The following ZNF592 variants were observed in gnomAD, a reference collection of about 807,000 sequenced individuals.
The protein encoded by ZNF592 is zinc finger protein 592, also known as spinocerebellar ataxia, autosomal recessive 5.
A neutral mutation model predicts 80.3 loss-of-function variants in ZNF592; 11 were observed. The observed-to-expected ratio is 0.14, with a 90% CI of 0.09 to 0.23. The LOEUF is 0.23. ZNF592 is among the 10% of genes least tolerant of loss of function. The probability of loss-of-function intolerance (pLI) is 1.00; values close to 1 mark genes in which losing one functional copy is unlikely to be tolerated. For synonymous variants in ZNF592, 646 were observed against 640.3 expected (o/e 1.01, Z -0.13); for missense variants, 1,420 against 1,633.9 (o/e 0.87, Z 2.26).
At chr15:84,768,950 T>C (rs949423209) in intron 2 of ZNF592, among the ~76,000 whole-genome samples, 2 of 150,090 alleles carry the variant, frequency 1.3e-5, no homozygotes, top group Non-Finnish European at 3.0e-5. Flanking sequence ...CTTTCTTTTA[T>C]TTTTTTTTGA....
intron 5 of ZNF592, among the ~76,000 whole-genome samples, chr15:84,793,479 A>G (rs1962807997): frequency 6.6e-6 from 1 of 152,232 alleles, no homozygotes. Context: ...AGTTCAGTTT[A>G]TCAAACCTTT....
At chr15:84,781,120 C>G (rs1466655529) in intron 3 of ZNF592, among the ~76,000 whole-genome samples, 1 of 152,110 alleles carries the variant, frequency 6.6e-6, no homozygotes, top group African/African-American at 2.4e-5. Context: ...GCGATCTCTA[C>G]TCATGGCAAC....
At chr15:84,759,486 C>G (rs1336285996) in intron 1 of ZNF592, among the ~76,000 whole-genome samples, 3 of 152,172 alleles carry the variant, frequency 2.0e-5, no homozygotes, top group Non-Finnish European at 4.4e-5. Context: ...AGCTGGCCTC[C>G]TATCCACAAA....
intron 2 of ZNF592, among the ~76,000 whole-genome samples, chr15:84,765,704 A>G (rs1268358711): frequency 6.6e-6 from 1 of 151,506 alleles, no homozygotes; most frequent in African/African-American, 2.4e-5. Context: ...ATGCCCAGCT[A>G]AATTTTATAT....
rs1389360521 is a variant in ZNF592, at chr15:84,784,118, G to A, written c.1443G>A (p.Lys481=). Reference sequence around the variant, plus strand: ...CTGCCCCAGGCTCACAGACAGGCAAGAAGCAACAGAGCACAGCACTGCAGG... The same window carrying A: ...CTGCCCCAGGCTCACAGACAGGCAAAAAGCAACAGAGCACAGCACTGCAGG... ...KGAAPGSQTG[K]KQQSTALQAS... Residue 481 remains lysine, a synonymous_variant, in exon 4 of 11, where the codon AAG becomes AAA. Transcript: ENST00000560079. The surrounding 1 kb of genome is among the most constrained non-coding windows in gnomAD (Gnocchi z 5.8). 9 of 1,614,046 alleles carry A rather than the reference G, an allele frequency of 5.6e-6. No individual in the cohort carries two copies. Among genetic ancestry groups the A allele is most frequent in the Middle Eastern group, 1.6e-4 (1 of 6,084 alleles).
intron 3 of ZNF592, among the ~76,000 whole-genome samples, chr15:84,781,919 A>G (rs999165762): frequency 1.3e-5 from 2 of 152,216 alleles, no homozygotes; most frequent in African/African-American, 4.8e-5. Context: ...TATTCTTTGT[A>G]TATTAGTCAA....
rs72491489 is a variant in ZNF592, at chr15:84,779,984, G to GTTTTTTT, written c.-20+1676_-20+1677insTTTTTTT. 1.1e-4 allele frequency among the ~76,000 whole-genome samples: 14 copies of GTTTTTTT among 131,762 alleles called. 2 individuals are homozygous for GTTTTTTT. The highest frequency in any genetic ancestry group is 2.5e-4 in the South Asian group (1 of 3,990). The allele number at this position is 131,762 out of a possible 152,430, so 86.4% of individuals were successfully genotyped here. On this transcript the variant is annotated intron_variant, in intron 3 of 10. Transcript: ENST00000560079. ...CCCCTCAATCTTTTTTTCCTAGACA[G>GTTTTTTT]TTTTGTTTTTTTTTTTTTTTGAGTT...
Position 84,784,089 on chromosome 15 carries a change from G to C in ZNF592, c.1414G>C (p.Gly472Arg), listed in dbSNP as rs759797510. The change falls in exon 4 of 11, where the codon GGG becomes CGG. Residue 472 changes from glycine (G) to arginine (R), a missense_variant. Physicochemically the swap from Gly to Arg is moderately radical, Grantham distance 125 (BLOSUM62 -2). Coordinates refer to ENST00000560079, the MANE Select transcript of ZNF592 (RefSeq NM_014630.3). This position sits in a 1 kb window ranked among gnomAD's most constrained non-coding sequence, Gnocchi z 5.8. ...SCSSGPRVPK[G>R]AAPGSQTGKK... is the part of the protein sequence containing the mutation. ...CAGTTCTGGGCCCCGGGTCCCAAAG[G>C]GGGCTGCCCCAGGCTCACAGACAGG... The C allele has an allele frequency of 3.0e-5, 48 of 1,613,962 alleles. No individual in the cohort carries two copies. Among genetic ancestry groups the C allele is most frequent in the Admixed American group, 2.0e-4 (12 of 60,010 alleles).
chr15:84,784,297 T>G lies in ZNF592; in HGVS notation c.1622T>G (p.Val541Gly). 1 of 1,614,204 alleles carries G rather than the reference T, an allele frequency of 6.2e-7. No individual in the cohort carries two copies. Among genetic ancestry groups the G allele is most frequent in the Non-Finnish European group, 8.5e-7 (1 of 1,180,018 alleles). Residue 541 changes from valine to glycine, a missense_variant, in exon 4 of 11, where the codon GTC becomes GGC. Coordinates refer to ENST00000560079, the MANE Select transcript of ZNF592 (RefSeq NM_014630.3). The surrounding 1 kb of genome is among the most constrained non-coding windows in gnomAD (Gnocchi z 5.8). ...PQLTQMSVPL[V>G]HQVKKAAPLI... ...CTTACACAAATGTCGGTGCCCCTGG[T>G]CCACCAGGTGAAAAAGGCTGCCCCA... is the stretch of plus-strand genomic sequence containing the variant.
At chr15:84,791,348 T>C (rs1355392934) in intron 5 of ZNF592, among the ~76,000 whole-genome samples, 1 of 152,198 alleles carries the variant, frequency 6.6e-6, no homozygotes. Context: ...TGTCAGTTTG[T>C]GGCAAAATGG....
rs1479732047 is a variant in ZNF592, at chr15:84,798,584, C to G, written c.2737-4C>G. 5.0e-6 allele frequency: 8 copies of G among 1,614,124 alleles called. No individual in the cohort carries two copies. The highest frequency in any genetic ancestry group is 6.8e-6 in the Non-Finnish European group (8 of 1,180,026). On this transcript the variant is annotated splice_polypyrimidine_tract_variant and splice_region_variant and intron_variant, in intron 7 of 10. Transcript: ENST00000560079. The surrounding 1 kb of genome is among the most constrained non-coding windows in gnomAD (Gnocchi z 4.5). ...CAGTCAGTAATCGCTCTCCCCATCC[C>G]CAGAGCACCCACGGTGTTCCCCGAA...
intron 2 of ZNF592, among the ~76,000 whole-genome samples, chr15:84,774,854 C>T (rs1000900155): frequency 1.4e-4 from 22 of 152,110 alleles, no homozygotes; most frequent in African/African-American, 5.3e-4. Flanking sequence ...GATCTCGGCT[C>T]ACTGTAACCT....
At chr15:84,765,032 T>C (rs1036059377) in intron 2 of ZNF592, among the ~76,000 whole-genome samples, 1 of 152,102 alleles carries the variant, frequency 6.6e-6, no homozygotes, top group Non-Finnish European at 1.5e-5. Context: ...GAACCTGATA[T>C]CATCTCATAC....
At chr15:84,763,473 T>G (rs1899410496) in intron 1 of ZNF592, among the ~76,000 whole-genome samples, 1 of 152,174 alleles carries the variant, frequency 6.6e-6, no homozygotes. Context: ...TATTTACTAT[T>G]GGACAGCAGA....
rs1567077058 is a variant in ZNF592 at position 84,797,878 on chromosome 15, CT to C, written c.2410del (p.Cys804ValfsTer6). 6.2e-7 allele frequency: 1 copy of C among 1,614,232 alleles called. No homozygotes were observed. ...CCCCACTTCTGTCTAGGTGCATCCA[CT>C]GTGGTGTCGTCCACCTGACCTTGGC... ...ARKVGYRCIH[C>X]GVVHLTLALL... On this transcript the variant is annotated frameshift_variant, in exon 6 of 11. Transcript: ENST00000560079. LOFTEE classifies it high-confidence loss of function.
chr15:84,786,315 G>A (rs1422526862), intron 4 of ZNF592, among the ~76,000 whole-genome samples: 1 of 152,208 alleles, frequency 6.6e-6, no homozygotes, highest in African/African-American at 2.4e-5. Context: ...GTGCCCCAGA[G>A]GGACTAATTC....
chr15:84,784,906 C>CCTCA lies in ZNF592; in HGVS notation c.2220+14_2220+17dup. The CCTCA allele has an allele frequency of 6.2e-7, 1 of 1,614,036 alleles. No homozygotes were observed. The highest frequency in any genetic ancestry group is 2.2e-5 in the East Asian group (1 of 44,878). ...GAGACAGAGGGGCTGGTAAGCAGAC[C>CCTCA]CTCACTGTTACGGGTATCGGGCCCC... is the stretch of plus-strand genomic sequence containing the variant. On this transcript the variant is annotated intron_variant, in intron 4 of 10. Transcript: ENST00000560079. The surrounding 1 kb of genome is among the most constrained non-coding windows in gnomAD (Gnocchi z 5.8).
intron 1 of ZNF592, among the ~76,000 whole-genome samples, chr15:84,758,756 C>G (rs2576408): frequency 7.0e-6 from 1 of 142,252 alleles, no homozygotes; most frequent in Admixed American, 7.1e-5. Flanking sequence ...TACTGAAAAT[C>G]CAAAAAAAAA....
At chr15:84,777,659 A>G (rs976216630) in intron 2 of ZNF592, among the ~76,000 whole-genome samples, 5 of 151,672 alleles carry the variant, frequency 3.3e-5, no homozygotes, top group South Asian at 2.1e-4. Context: ...AAATGAAGAT[A>G]AACAAAAGAG....
Sources: gnomAD v4.1 joint callset for allele counts (sites outside exome capture counted in the v4.1 genomes callset) on GRCh38, gnomAD v4.1.1 for gene constraint, Gnocchi (gnomAD v3.1) non-coding constraint, MANE v1.5 for transcripts, NCBI Gene and HGNC (gene_info 2026-07-23, HGNC 2026-07-21) for gene names.